The following HERC3 variants were observed in gnomAD, a reference collection of about 807,000 sequenced individuals.
HERC3 encodes the protein probable E3 ubiquitin-protein ligase HERC3.
In HERC3, 58 loss-of-function variants were observed where a neutral mutation model predicts 129.9. That is an observed-to-expected ratio of 0.45 (90% CI 0.36 to 0.56). The LOEUF is 0.56. HERC3 is among the 20% of genes least tolerant of loss of function. The probability of loss-of-function intolerance (pLI) is 0.00; values close to 1 mark genes in which losing one functional copy is unlikely to be tolerated. For synonymous variants in HERC3, 430 were observed against 451.0 expected, an observed-to-expected ratio of 0.95 and a Z score of 0.59; for missense variants, 835 against 1,244.2, an observed-to-expected ratio of 0.67 and a Z score of 4.95.
At chr4:88,542,951 G>T in the HERC3 span, among the ~76,000 whole-genome samples, 1 of 152,118 alleles carries the variant, frequency 6.6e-6, no homozygotes, top group East Asian at 1.9e-4. Context: ...AATAATAAGA[G>T]CTATTTATGA....
chr4:88,533,624 A>G, the HERC3 span, among the ~76,000 whole-genome samples: 3 of 152,074 alleles, frequency 2.0e-5, no homozygotes, highest in South Asian at 2.1e-4. Context: ...AGCCTTTGTA[A>G]TTTCTCTTTC....
intron 21 of HERC3, 39 bp from the exon 22 acceptor site, chr4:88,686,697 T>C: frequency 7.3e-7 from 1 of 1,375,502 alleles, no homozygotes; most frequent in South Asian, 1.2e-5. Context: ...CAGCAGTGTC[T>C]GACTTGCCAC....
At chr4:88,592,750 T>C (rs1721841376) in intron 1 of HERC3, among the ~76,000 whole-genome samples, 176 bp downstream of exon 1, 1 of 151,800 alleles carries the variant, frequency 6.6e-6, no homozygotes, top group Admixed American at 6.5e-5. Context: ...GACCTGGGTC[T>C]GGGGCGCGGG....
chr4:88,541,422 G>A, the HERC3 span, among the ~76,000 whole-genome samples: 405 of 152,262 alleles, frequency 2.7e-3, 11 homozygotes, highest in East Asian at 0.056. Context: ...CCTAATACAG[G>A]AGCACCCAGA....
chr4:88,661,676 C>G (rs925322964), intron 10 of HERC3, among the ~76,000 whole-genome samples: 1 of 152,136 alleles, frequency 6.6e-6, no homozygotes, highest in African/African-American at 2.4e-5. Context: ...TTTAATCTCA[C>G]TGAATAAAAG....
At chr4:88,626,797 A>G (rs2149231857) in intron 3 of HERC3, among the ~76,000 whole-genome samples, 1 of 152,234 alleles carries the variant, frequency 6.6e-6, no homozygotes, top group Admixed American at 6.5e-5. Context: ...TTTCATGATT[A>G]GCCTGGGTAG....
intron 23 of HERC3, chr4:88,697,007 G>T: frequency 2.0e-6 from 1 of 489,064 alleles, no homozygotes; most frequent in Non-Finnish European, 3.5e-6. Context: ...TATTTATTAT[G>T]TTCAAAATGA....
At chr4:88,547,365 T>C in the HERC3 span, among the ~76,000 whole-genome samples, 1 of 152,238 alleles carries the variant, frequency 6.6e-6, no homozygotes, top group East Asian at 1.9e-4. Flanking sequence ...GAGAAACTCA[T>C]ATACCATATA....
At chr4:88,587,254 C>T in the HERC3 span, among the ~76,000 whole-genome samples, 1 of 152,148 alleles carries the variant, frequency 6.6e-6, no homozygotes, top group Non-Finnish European at 1.5e-5. Context: ...TGATTTTACA[C>T]ATTGAACTCC....
the HERC3 span, among the ~76,000 whole-genome samples, chr4:88,531,065 G>T: frequency 1.2e-4 from 18 of 151,864 alleles, no homozygotes; most frequent in African/African-American, 4.4e-4. Context: ...GCCATGTTGG[G>T]CAGGCTGGTC....
At chr4:88,573,467 G>A in the HERC3 span, among the ~76,000 whole-genome samples, 6 of 152,164 alleles carry the variant, frequency 3.9e-5, no homozygotes, top group Admixed American at 2.6e-4. Context: ...CATGAAGCAT[G>A]GACTGTTTGC....
At chr4:88,660,582 A>G (rs1730389399) in intron 10 of HERC3, among the ~76,000 whole-genome samples, 1 of 152,216 alleles carries the variant, frequency 6.6e-6, no homozygotes, top group Non-Finnish European at 1.5e-5. Context: ...AAGGAGTTAT[A>G]TTCAGATACC....
rs145901681 is a variant in HERC3 at position 88,693,456 on chromosome 4, C to G, written c.2657+6157C>G. The G allele has an allele frequency of 5.6e-3, 5,450 of 972,598 alleles. 20 individuals carry two copies. Among genetic ancestry groups the G allele is most frequent in the Admixed American group, 6.6e-3 (107 of 16,250 alleles). 60.2% of individuals were successfully genotyped at this position (972,598 alleles called of 1,614,324 possible). On this transcript the variant is annotated intron_variant, in intron 23 of 25. Transcript: ENST00000402738. ...ATTCTTTAAAAAAAAAGTTGCATTT[C>G]TTTCACACATAGGCTACTTTACATA...
At chr4:88,595,918 G>A (rs901147063) in intron 2 of HERC3, among the ~76,000 whole-genome samples, 6 of 143,978 alleles carry the variant, frequency 4.2e-5, no homozygotes, top group Non-Finnish European at 6.0e-5. Context: ...GCGGGATCTC[G>A]GCTCACTGCA....
At chr4:88,704,863 C>CTTTTTTTTTTTTTTTTTTTTTT (rs1165694315) in intron 25 of HERC3, among the ~76,000 whole-genome samples, 1 of 130,672 alleles carries the variant, frequency 7.7e-6, no homozygotes, top group African/African-American at 3.0e-5. Flanking sequence ...TTCTTTCTTT[C>CTTTTTTTTTTTTTTTTTTTTTT]TTTTTTTTTT....
chr4:88,616,654 C>A (rs1724930709), intron 3 of HERC3, among the ~76,000 whole-genome samples: 1 of 152,140 alleles, frequency 6.6e-6, no homozygotes, highest in Non-Finnish European at 1.5e-5. Flanking sequence ...GGAGTCTAAA[C>A]CTACATGATC....
At chr4:88,597,109 C>A (rs1230470796) in intron 2 of HERC3, among the ~76,000 whole-genome samples, 1 of 152,140 alleles carries the variant, frequency 6.6e-6, no homozygotes, top group East Asian at 1.9e-4. Flanking sequence ...TCAAATAATG[C>A]TGGAATGAAC....
rs1421593966 is a variant in HERC3 at position 88,683,558 on chromosome 4, A to G, written c.2507+2233A>G. On this transcript the variant is annotated intron_variant, in intron 21 of 25. Transcript: ENST00000402738. The stretch of plus-strand genomic sequence containing the variant: ...GTATTTCAAGTAATGACTTTGGCTG[A>G]TTAACTGGTGGCAGATTTAAATTCC... Among the ~76,000 whole-genome samples, 3 of 152,236 alleles carry G rather than the reference A, an allele frequency of 2.0e-5. No homozygotes were observed. In the East Asian group the frequency reaches 5.8e-4, roughly 29 times the overall value.
Position 88,708,156 on chromosome 4 carries a change from AG to A in HERC3, c.*1202del, listed in dbSNP as rs1454575048. On this transcript the variant is annotated 3_prime_UTR_variant, in exon 26 of 26. Transcript: ENST00000402738. ...AAATGTTTGTTTACAGTGGGATTTT[AG>A]GGGGGATTGTGTTTAAATCAAATAT... is the stretch of plus-strand genomic sequence containing the variant. 1 of 152,498 alleles carries A rather than the reference AG, an allele frequency of 6.6e-6. No homozygotes were observed. Among genetic ancestry groups the A allele is most frequent in the Non-Finnish European group, 1.5e-5 (1 of 68,006 alleles). 9.4% of individuals were successfully genotyped at this position (152,498 alleles called of 1,614,324 possible). A position where few individuals can be genotyped will look rare whatever the true frequency, so the allele number is the denominator to read the frequency against.
Sources: gnomAD v4.1 joint callset for allele counts (sites outside exome capture counted in the v4.1 genomes callset) on GRCh38, gnomAD v4.1.1 for gene constraint, MANE v1.5 for transcripts, NCBI Gene and HGNC (gene_info 2026-07-23, HGNC 2026-07-21) for gene names.